Variants in FRMD4A observed in about 807,000 individuals in gnomAD.
FRMD4A encodes the protein FERM domain containing 4A.
FRMD4A carries 29 observed loss-of-function variants against 129.1 expected under a neutral mutation model. The observed-to-expected ratio is 0.22, with a 90% CI of 0.17 to 0.31. The LOEUF (loss-of-function observed/expected upper bound fraction) is 0.31, where lower values mean the gene tolerates loss of function less well. FRMD4A is among the 10% of genes least tolerant of loss of function. FRMD4A has a pLI of 1.00. For missense variants in FRMD4A, 1,272 were observed against 1,375.8 expected (o/e 0.92, Z 1.19); for synonymous variants, 634 against 571.6 (o/e 1.11, Z -1.56).
At chr10:13,907,016 A>G (rs968217790) in intron 2 of FRMD4A, among the ~76,000 whole-genome samples, 3 of 152,148 alleles carry the variant, frequency 2.0e-5, no homozygotes, top group Admixed American at 1.3e-4. Flanking sequence ...ATCCACGCCC[A>G]TAGGTCAACT....
intron 2 of FRMD4A, among the ~76,000 whole-genome samples, chr10:14,243,830 T>TA (rs148913321): frequency 0.74 from 104,861 of 142,634 alleles, 38,240 homozygotes; most frequent in East Asian, 0.81. Context: ...ATTACCACAA[T>TA]TAAAAAAAAA....
intron 9 of FRMD4A, among the ~76,000 whole-genome samples, chr10:13,742,094 C>G (rs2091039600): frequency 6.6e-6 from 1 of 151,890 alleles, no homozygotes; most frequent in African/African-American, 2.4e-5. Context: ...GGCCTCAGGT[C>G]ATCTGCCCAC....
At chr10:13,838,285 G>C in intron 3 of FRMD4A, among the ~76,000 whole-genome samples, 1 of 148,040 alleles carries the variant, frequency 6.8e-6, no homozygotes, top group African/African-American at 2.5e-5. Context: ...TAGAAATGGG[G>C]ATCTCCCTGT....
intron 2 of FRMD4A, among the ~76,000 whole-genome samples, chr10:13,902,456 GGAGAGA>G (rs140040052): frequency 1.9e-4 from 24 of 127,780 alleles, no homozygotes; most frequent in East Asian, 9.1e-4. Context: ...GCAAAATACT[GGAGAGA>G]GAGAGAGAGA....
intron 2 of FRMD4A, among the ~76,000 whole-genome samples, chr10:13,873,086 G>A (rs1292741846): frequency 2.0e-5 from 3 of 151,476 alleles, no homozygotes; most frequent in East Asian, 1.9e-4. Context: ...TGAGGCAGAA[G>A]AATCACTTGA....
intron 2 of FRMD4A, among the ~76,000 whole-genome samples, chr10:14,204,597 C>T (rs1324850129): frequency 1.3e-5 from 2 of 152,164 alleles, no homozygotes; most frequent in Non-Finnish European, 2.9e-5. Context: ...AGACCCACTT[C>T]AGCAAGGAAT....
chr10:14,128,334 G>C (rs115286933), intron 2 of FRMD4A, among the ~76,000 whole-genome samples: 3,586 of 151,956 alleles, frequency 0.024, 135 homozygotes, highest in African/African-American at 0.081. Context: ...AAACTCCCGG[G>C]CTCAAGTGAT....
At chr10:14,017,284 C>T (rs1050558559) in intron 2 of FRMD4A, among the ~76,000 whole-genome samples, 8 of 152,084 alleles carry the variant, frequency 5.3e-5, no homozygotes, top group African/African-American at 9.7e-5. Context: ...TTGCAAAGCC[C>T]GTTTTCATGT....
intron 2 of FRMD4A, among the ~76,000 whole-genome samples, chr10:14,246,641 A>G (rs1290341616): frequency 1.3e-5 from 2 of 152,244 alleles, no homozygotes; most frequent in African/African-American, 4.8e-5. Context: ...CCTTAATGCC[A>G]CTGATACAAT....
intron 2 of FRMD4A, among the ~76,000 whole-genome samples, chr10:14,164,310 C>G (rs1841058054): frequency 6.6e-6 from 1 of 152,184 alleles, no homozygotes; most frequent in South Asian, 2.1e-4. Flanking sequence ...GGGCGACCTG[C>G]GCCTGGTCCC....
chr10:13,866,275 C>A (rs1007186150), intron 2 of FRMD4A: 6 of 982,448 alleles, frequency 6.1e-6, no homozygotes, highest in Non-Finnish European at 7.3e-6. Context: ...GACAGCACGT[C>A]TTCCCCGAGC....
intron 3 of FRMD4A, among the ~76,000 whole-genome samples, chr10:13,819,665 T>C (rs1325695607): frequency 6.6e-6 from 1 of 151,710 alleles, no homozygotes; most frequent in Non-Finnish European, 1.5e-5. Flanking sequence ...GAGGAACTAA[T>C]CCTGGTGGGC....
rs550876808 is a variant in FRMD4A, at chr10:13,766,285, T to C, written c.385-3605A>G. ...GATTGATTCAACTTCTCTCTCACCA[T>C]AGTTGTTCTCGGGTTAAGTGAGAAC... On this transcript the variant is annotated intron_variant, in intron 6 of 24. Transcript: ENST00000357447. Among the ~76,000 whole-genome samples the C allele has an allele frequency of 6.6e-5, 10 of 152,308 alleles. No homozygotes were observed. The East Asian group carries it at 1.7e-3, about 26-fold the overall frequency.
At chr10:14,264,842 C>A (rs1844923043) in intron 2 of FRMD4A, among the ~76,000 whole-genome samples, 1 of 151,986 alleles carries the variant, frequency 6.6e-6, no homozygotes, top group Non-Finnish European at 1.5e-5. Flanking sequence ...AGTGCAGTGG[C>A]AAGATCGCGG....
chr10:14,288,808 AC>A (rs1451963202), intron 2 of FRMD4A, among the ~76,000 whole-genome samples: 1 of 151,948 alleles, frequency 6.6e-6, no homozygotes, highest in African/African-American at 2.4e-5. Flanking sequence ...CCCTGCAACC[AC>A]CTTCTACTCT....
At chr10:14,158,542 T>A (rs556682402) in intron 2 of FRMD4A, among the ~76,000 whole-genome samples, 1 of 150,624 alleles carries the variant, frequency 6.6e-6, no homozygotes, top group East Asian at 2.0e-4. Context: ...AGCCCAGGAG[T>A]TAGAGGCTAC....
chr10:13,703,601 C>A (rs1211301523), intron 13 of FRMD4A, among the ~76,000 whole-genome samples: 1 of 152,188 alleles, frequency 6.6e-6, no homozygotes, highest in African/African-American at 2.4e-5. Flanking sequence ...AGGGGCTGAG[C>A]CCGGAACACC....
intron 5 of FRMD4A, among the ~76,000 whole-genome samples, chr10:13,792,487 A>T (rs2093024701): frequency 6.6e-6 from 1 of 152,112 alleles, no homozygotes; most frequent in Admixed American, 6.5e-5. Context: ...TTGGAGTCAG[A>T]CCTGACCGAA....
At chr10:13,783,063 G>A (rs2130783072) in intron 5 of FRMD4A, 57 bp from the exon 6 acceptor site, 1 of 762,786 alleles carries the variant, frequency 1.3e-6, no homozygotes, top group South Asian at 1.4e-5. Context: ...AAAATAAAGT[G>A]CTCTCTTGAG....
Sources: allele counts gnomAD v4.1 joint callset (sites outside exome capture counted in the v4.1 genomes callset), GRCh38; gene constraint gnomAD v4.1.1; transcripts MANE v1.5; gene names NCBI Gene and HGNC (gene_info 2026-07-23, HGNC 2026-07-21).